Variants in SH3D19 observed in about 807,000 individuals in gnomAD.
SH3D19 encodes SH3 domain-containing protein 19.
A neutral mutation model predicts 112.1 loss-of-function variants in SH3D19; 58 were observed. The ratio of observed to expected loss-of-function variants is 0.52; its 90% CI spans 0.42 to 0.64. The LOEUF is 0.64. SH3D19 is among the 30% of genes least tolerant of loss of function. The pLI, the probability that SH3D19 is intolerant of heterozygous loss-of-function variation, is 0.00. For synonymous variants in SH3D19, 391 were observed against 448.5 expected (o/e 0.87, Z 1.62); for missense variants, 1,090 against 1,263.4 (o/e 0.86, Z 2.08).
At chr4:151,158,892 T>C (rs1756653083) in intron 9 of SH3D19, among the ~76,000 whole-genome samples, 1 of 152,282 alleles carries the variant, frequency 6.6e-6, no homozygotes, top group African/African-American at 2.4e-5. Context: ...TTGGGTATTT[T>C]AAATAAAAAC....
intron 1 of SH3D19, among the ~76,000 whole-genome samples, chr4:151,245,540 G>A (rs1423096259): frequency 2.0e-5 from 3 of 152,192 alleles, no homozygotes; most frequent in African/African-American, 7.2e-5. Flanking sequence ...TACTGTAGCT[G>A]AAAAGTCATC....
chr4:151,325,552 G>C lies in SH3D19; in HGVS notation c.-200C>G. The C allele has an allele frequency of 3.4e-6, 1 of 289,950 alleles. No homozygotes were observed. Among genetic ancestry groups the C allele is most frequent in the African/African-American group, 2.2e-5 (1 of 45,122 alleles). The allele number at this position is 289,950 out of a possible 1,614,324, so 18.0% of individuals were successfully genotyped here. ...AGCCGGCCGGGCAGCGGCAGGGCGC[G>C]GGCCGAGCCGATTCCCCGCCTCCTT... On this transcript the variant is annotated 5_prime_UTR_variant, in exon 1 of 20. Coordinates refer to ENST00000604030, the MANE Select transcript of SH3D19 (RefSeq NM_001378122.1).
chr4:151,241,534 C>T (rs913054276), intron 1 of SH3D19, among the ~76,000 whole-genome samples: 2 of 145,208 alleles, frequency 1.4e-5, no homozygotes, highest in Admixed American at 1.3e-4. Flanking sequence ...TCTGTGAATA[C>T]ACTAAAAACC....
intron 1 of SH3D19, among the ~76,000 whole-genome samples, chr4:151,300,968 C>T (rs1728355019): frequency 6.6e-6 from 1 of 152,210 alleles, no homozygotes. Flanking sequence ...CTTCACCCAG[C>T]TTTCTGGCTT....
At chr4:151,291,478 C>A in intron 1 of SH3D19, 1 of 1,444,920 alleles carries the variant, frequency 6.9e-7, no homozygotes. Context: ...ACTGCTAACC[C>A]TGGGTGACTT....
intron 1 of SH3D19, among the ~76,000 whole-genome samples, chr4:151,235,241 A>G (rs997450214): frequency 2.0e-5 from 3 of 151,982 alleles, no homozygotes; most frequent in African/African-American, 7.3e-5. Context: ...CTCTGTGTCC[A>G]TGCGTACTCA....
chr4:151,305,587 G>A (rs1728840261), intron 1 of SH3D19, among the ~76,000 whole-genome samples: 2 of 152,154 alleles, frequency 1.3e-5, no homozygotes, highest in Admixed American at 1.3e-4. Context: ...AAAGGAAAAT[G>A]TAAATTAAAA....
chr4:151,208,793 T>C (rs755542717), intron 2 of SH3D19, among the ~76,000 whole-genome samples: 45 of 152,130 alleles, frequency 3.0e-4, no homozygotes, highest in Admixed American at 2.1e-3. Flanking sequence ...TTCACCTGCC[T>C]TAGCCTCCCG....
chr4:151,184,260 C>T (rs1340085081), intron 3 of SH3D19, among the ~76,000 whole-genome samples: 4 of 152,132 alleles, frequency 2.6e-5, no homozygotes, highest in South Asian at 2.1e-4. Context: ...AAAGTCTTTC[C>T]GCTTGCCAGG....
chr4:151,251,244 G>C (rs1379517846), intron 1 of SH3D19, among the ~76,000 whole-genome samples: 1 of 149,518 alleles, frequency 6.7e-6, no homozygotes, highest in Non-Finnish European at 1.5e-5. Flanking sequence ...TATCACCCAG[G>C]CTGGAGTACA....
At chr4:151,320,938 G>A (rs1285414884) in intron 1 of SH3D19, among the ~76,000 whole-genome samples, 2 of 152,142 alleles carry the variant, frequency 1.3e-5, no homozygotes, top group African/African-American at 4.8e-5. Context: ...TACTTGGGAG[G>A]CTGAGGCAGG....
At chr4:151,315,736 G>A (rs149762083) in intron 1 of SH3D19, among the ~76,000 whole-genome samples, 6 of 151,872 alleles carry the variant, frequency 4.0e-5, no homozygotes, top group Non-Finnish European at 7.4e-5. Context: ...AAGATCCCTC[G>A]AGCCCAGGAG....
At chr4:151,151,831 T>C (rs527975527) in intron 9 of SH3D19, among the ~76,000 whole-genome samples, 1 of 152,300 alleles carries the variant, frequency 6.6e-6, no homozygotes, top group African/African-American at 2.4e-5. Context: ...CTCTAGCAGA[T>C]AGGAAGAAAT....
intron 1 of SH3D19, chr4:151,226,621 A>G: frequency 3.6e-6 from 1 of 277,242 alleles, no homozygotes; most frequent in Non-Finnish European, 5.5e-6. Context: ...GTAATTAGAT[A>G]TAATGTGCTC....
chr4:151,198,384 ATATAT>A (rs1282716175), intron 2 of SH3D19, among the ~76,000 whole-genome samples: 8 of 7,336 alleles, frequency 1.1e-3, no homozygotes, highest in African/African-American at 1.3e-3. Context: ...AAATTATATA[ATATAT>A]AATATATATC....
At chr4:151,272,697 C>T (rs1033428747) in intron 1 of SH3D19, among the ~76,000 whole-genome samples, 1 of 151,598 alleles carries the variant, frequency 6.6e-6, no homozygotes, top group African/African-American at 2.4e-5. Context: ...TGTAATCTGA[C>T]TTACTCCTTT....
intron 17 of SH3D19, 64 bp downstream of exon 17, chr4:151,132,267 T>G (rs1750881227): frequency 8.3e-6 from 11 of 1,327,890 alleles, no homozygotes; most frequent in Non-Finnish European, 1.2e-5. Flanking sequence ...AAAATTATGA[T>G]TTTAATATTC....
chr4:151,212,242 C>T (rs1766084453), intron 2 of SH3D19, among the ~76,000 whole-genome samples: 1 of 152,222 alleles, frequency 6.6e-6, no homozygotes, highest in Non-Finnish European at 1.5e-5. Flanking sequence ...CAGCCTCAAC[C>T]TTCTGGGCTC....
In SH3D19 at chr4:151,241,968, G is replaced by A. The variant is rs541800046; in HGVS notation, c.113-15882C>T. 7.2e-5 allele frequency among the ~76,000 whole-genome samples: 11 copies of A among 152,200 alleles called. No homozygotes were observed. The East Asian group carries it at 2.1e-3, about 29-fold the overall frequency. On this transcript the variant is annotated intron_variant, in intron 1 of 19. Transcript: ENST00000604030. ...AGCATTTTGGGAGGCTGCGGTGTGA[G>A]GATTGCTTGAACCCAGGAGTTTGAG...
Sources: allele counts gnomAD v4.1 joint callset (sites outside exome capture counted in the v4.1 genomes callset), GRCh38; gene constraint gnomAD v4.1.1; transcripts MANE v1.5; gene names NCBI Gene and HGNC (gene_info 2026-07-23, HGNC 2026-07-21).